Variants in FAT4 observed in about 807,000 individuals in gnomAD.
FAT4 encodes FAT atypical cadherin 4, also known as protocadherin Fat 4.
A neutral mutation model predicts 303.9 loss-of-function variants in FAT4; 84 were observed. The ratio of observed to expected loss-of-function variants is 0.28; its 90% CI spans 0.23 to 0.33. FAT4 has a LOEUF of 0.33. Ranked by LOEUF, FAT4 falls within the 10% of genes least tolerant of loss-of-function variation. The probability of loss-of-function intolerance (pLI) is 1.00; values close to 1 mark genes in which losing one functional copy is unlikely to be tolerated. For synonymous variants in FAT4, 2,307 were observed against 2,298.8 expected, an observed-to-expected ratio of 1.00 and a Z score of -0.10; for missense variants, 6,005 against 6,146.8, an observed-to-expected ratio of 0.98 and a Z score of 0.77.
chr4:125,382,772 A>G (rs532008010), intron 2 of FAT4, among the ~76,000 whole-genome samples: 1 of 152,220 alleles, frequency 6.6e-6, no homozygotes, highest in Non-Finnish European at 1.5e-5. Flanking sequence ...CTGTTCATCT[A>G]CATTGAAAAT....
rs774289789 is a variant in FAT4 at position 125,415,453 on chromosome 4, A to T, written c.6490A>T (p.Asn2164Tyr). ...FAQALYKVEI[N>Y]ENTLTGTDII... ...ACAAGCTTTGTATAAAGTGGAGATT[A>T]ATGAAAACACACTTACTGGAACAGA... Residue 2164 changes from asparagine to tyrosine, a missense_variant, in exon 6 of 18, where the codon AAT (asparagine) becomes TAT (tyrosine). Physicochemically the swap from Asn to Tyr is moderately radical, Grantham distance 143. Coordinates refer to ENST00000394329, the MANE Select transcript of FAT4 (RefSeq NM_001291303.3). 5.0e-6 allele frequency: 8 copies of T among 1,614,144 alleles called. No individual in the cohort carries two copies. The highest frequency in any genetic ancestry group is 6.8e-6 in the Non-Finnish European group (8 of 1,179,994).
chr4:125,473,849 A>T lies in FAT4; in HGVS notation c.12214-2322A>T, dbSNP rs528129239. On this transcript the variant is annotated intron_variant, in intron 12 of 17. Coordinates refer to ENST00000394329, the MANE Select transcript of FAT4 (RefSeq NM_001291303.3). ...ATTTTTAATAATACCAAATGTGAAAAAAACTCTGTCATTATTACTTGAGTC... is the reference window on the plus strand; with the variant it reads ...ATTTTTAATAATACCAAATGTGAAATAAACTCTGTCATTATTACTTGAGTC... Among the ~76,000 whole-genome samples, 150 of 152,172 alleles carry T rather than the reference A, an allele frequency of 9.9e-4. 1 individual carries two copies. Among genetic ancestry groups the T allele is most frequent in the African/African-American group, 3.5e-3 (147 of 41,548 alleles).
At chr4:125,352,262 G>T (rs914799764) in intron 2 of FAT4, among the ~76,000 whole-genome samples, 3 of 151,420 alleles carry the variant, frequency 2.0e-5, no homozygotes, top group Non-Finnish European at 4.4e-5. Flanking sequence ...GTCACCTGGT[G>T]CTGTGATTTT....
In FAT4 at chr4:125,468,693, C is replaced by G. The variant is rs777227931; in HGVS notation, c.12087C>G (p.Ala4029=). The G allele has an allele frequency of 6.2e-7, 1 of 1,613,886 alleles. No homozygotes were observed. Among genetic ancestry groups the G allele is most frequent in the East Asian group, 2.2e-5 (1 of 44,884 alleles). Residue 4029 remains alanine, a synonymous_variant, in exon 12 of 18, where the codon GCC becomes GCG. Transcript: ENST00000394329. ...NQTGDRAEFL[A]LEIAEERLRF... is the part of the protein sequence containing the mutation. The stretch of plus-strand genomic sequence containing the variant: ...CAGGCGACCGGGCTGAGTTTTTGGC[C>G]CTTGAAATTGCCGAAGAAAGACTAA...
At chr4:125,387,152 T>A (rs1170153050) in intron 2 of FAT4, among the ~76,000 whole-genome samples, 1 of 152,174 alleles carries the variant, frequency 6.6e-6, no homozygotes, top group Non-Finnish European at 1.5e-5. Context: ...CACAAACCAG[T>A]ACCGGTCTGT....
rs1734075157 is a variant in FAT4, at chr4:125,394,068, T to A, written c.5176-4716T>A. On this transcript the variant is annotated intron_variant, in intron 2 of 17. Transcript: ENST00000394329. ...ATTGTAGCAGATGAAACCACACACA[T>A]TTTTAAAGGACCAGATATCTAAGCA... The A allele has an allele frequency of 6.6e-6, 5 of 757,678 alleles. No individual in the cohort carries two copies. The Admixed American group carries it at 8.9e-5, about 13-fold the overall frequency. 46.9% of individuals were successfully genotyped at this position (757,678 alleles called of 1,614,324 possible). A position where few individuals can be genotyped will look rare whatever the true frequency, so the allele number is the denominator to read the frequency against.
intron 7 of FAT4, among the ~76,000 whole-genome samples, chr4:125,426,151 A>G (rs1435411172): frequency 3.9e-5 from 6 of 152,092 alleles, no homozygotes; most frequent in Non-Finnish European, 8.8e-5. Flanking sequence ...TAATCAAAAG[A>G]GAGGTCAGAA....
rs1415595327 is a variant in FAT4 at position 125,416,532 on chromosome 4, C to G, written c.6928C>G (p.Leu2310Val). 6.2e-7 allele frequency: 1 copy of G among 1,613,904 alleles called. No individual in the cohort carries two copies. Among genetic ancestry groups the G allele is most frequent in the African/African-American group, 1.3e-5 (1 of 74,914 alleles). ...FGGNEDNAFT[L>V]SASGELGVTQ... ...TGGTAATGAAGACAATGCTTTTACTCTCTCAGCCAGTGGAGAACTTGGAGT... is the reference window on the plus strand; with the variant it reads ...TGGTAATGAAGACAATGCTTTTACTGTCTCAGCCAGTGGAGAACTTGGAGT... The change falls in exon 7 of 18, where the codon CTC becomes GTC. Residue 2310 changes from leucine (L) to valine (V), a missense_variant. Coordinates refer to ENST00000394329, the MANE Select transcript of FAT4 (RefSeq NM_001291303.3).
At chr4:125,367,750 T>C (rs1324240228) in intron 2 of FAT4, among the ~76,000 whole-genome samples, 1 of 152,156 alleles carries the variant, frequency 6.6e-6, no homozygotes, top group Admixed American at 6.6e-5. Flanking sequence ...ATTGCCATTT[T>C]TAATCAGATA....
At chr4:125,328,525 G>T (rs985676830) in intron 2 of FAT4, among the ~76,000 whole-genome samples, 2 of 152,206 alleles carry the variant, frequency 1.3e-5, no homozygotes, top group Admixed American at 1.3e-4. Context: ...TTGAAGAAAT[G>T]TTGAAAGACA....
At chr4:125,330,207 C>G (rs942253431) in intron 2 of FAT4, among the ~76,000 whole-genome samples, 2 of 141,264 alleles carry the variant, frequency 1.4e-5, no homozygotes, top group Admixed American at 7.3e-5. Flanking sequence ...CAACAACCTC[C>G]CATACTTCAA....
At chr4:125,427,458 A>C (rs1725121451) in intron 7 of FAT4, among the ~76,000 whole-genome samples, 1 of 152,070 alleles carries the variant, frequency 6.6e-6, no homozygotes. Context: ...TAATTTATAT[A>C]AGCATATATG....
rs1436041348 is a variant in FAT4 at position 125,415,431 on chromosome 4, A to G, written c.6468A>G (p.Gln2156=). The part of the protein sequence containing the change: ...DINDNNPIFA[Q]ALYKVEINEN... The stretch of plus-strand genomic sequence containing the variant: ...ATGATAACAACCCCATCTTTGCACA[A>G]GCTTTGTATAAAGTGGAGATTAATG... The change falls in exon 6 of 18, where the codon CAA becomes CAG. Residue 2156 remains glutamine, a synonymous_variant. Coordinates refer to ENST00000394329, the MANE Select transcript of FAT4 (RefSeq NM_001291303.3). 1 of 1,614,110 alleles carries G rather than the reference A, an allele frequency of 6.2e-7. No individual in the cohort carries two copies. Among genetic ancestry groups the G allele is most frequent in the Admixed American group, 1.7e-5 (1 of 60,000 alleles).
chr4:125,401,678 T>C (rs1010549305), intron 3 of FAT4, among the ~76,000 whole-genome samples: 1 of 151,922 alleles, frequency 6.6e-6, no homozygotes, highest in African/African-American at 2.4e-5. Flanking sequence ...TCATTTGAAA[T>C]GTGTTGGATC....
intron 7 of FAT4, among the ~76,000 whole-genome samples, chr4:125,421,366 A>G (rs1042381111): frequency 3.9e-5 from 6 of 152,214 alleles, no homozygotes; most frequent in African/African-American, 1.4e-4. Flanking sequence ...CCATCATTTC[A>G]CACCAACTTA....
chr4:125,455,948 C>T lies in FAT4; in HGVS notation c.11800+3138C>T, dbSNP rs985666654. Among the ~76,000 whole-genome samples, 6 of 152,260 alleles carry T rather than the reference C, an allele frequency of 3.9e-5. No homozygotes were observed. The East Asian group carries it at 7.7e-4, about 20-fold the overall frequency. ...CAGGTCAGGAACATTCACCAATGGG[C>T]GCAGCAATAAAGACATGGCAGGCAT... On this transcript the variant is annotated intron_variant, in intron 10 of 17. Transcript: ENST00000394329.
At chr4:125,488,768 T>C (rs1210789602) in intron 17 of FAT4, among the ~76,000 whole-genome samples, 2 of 152,098 alleles carry the variant, frequency 1.3e-5, no homozygotes, top group African/African-American at 4.8e-5. Context: ...TAGCTGGAAA[T>C]ATATATTTAA....
At chr4:125,381,428 GTT>G (rs1259176103) in intron 2 of FAT4, among the ~76,000 whole-genome samples, 3 of 149,798 alleles carry the variant, frequency 2.0e-5, no homozygotes, top group Non-Finnish European at 4.5e-5. Flanking sequence ...AAGTCATACA[GTT>G]TTTTTGGTGT....
At position 125,452,428 on chromosome 4, in the gene FAT4, C is replaced by T. The variant is rs781628354; in HGVS notation, c.11418C>T (p.Asp3806=). ...SGVKVESVDH[D]SCVHGPCQNG... ...TAAAGGTGGAATCTGTGGATCATGA[C>T]TCCTGTGTGCATGGCCCATGTCAGA... Residue 3806 remains aspartate, a synonymous_variant, in exon 10 of 18, where the codon GAC becomes GAT. Transcript: ENST00000394329. The T allele has an allele frequency of 6.2e-7, 1 of 1,613,974 alleles. No individual in the cohort carries two copies. Among genetic ancestry groups the T allele is most frequent in the African/African-American group, 1.3e-5 (1 of 74,926 alleles).
Sources: gnomAD v4.1 joint callset for allele counts (sites outside exome capture counted in the v4.1 genomes callset) on GRCh38, gnomAD v4.1.1 for gene constraint, MANE v1.5 for transcripts, NCBI Gene and HGNC (gene_info 2026-07-23, HGNC 2026-07-21) for gene names.